GLCE: variants seen among roughly 807,000 people sequenced by gnomAD.
The protein encoded by GLCE is D-glucuronyl C5-epimerase.
GLCE carries 19 observed loss-of-function variants against 47.9 expected under a neutral mutation model. That is an observed-to-expected ratio of 0.40 (90% CI 0.28 to 0.58). The LOEUF is 0.58. Ranked by LOEUF, GLCE falls within the 20% of genes least tolerant of loss-of-function variation. The pLI, the probability that GLCE is intolerant of heterozygous loss-of-function variation, is 0.48. For missense variants in GLCE, 556 were observed against 743.3 expected, an observed-to-expected ratio of 0.75 and a Z score of 2.93; for synonymous variants, 245 against 263.4, an observed-to-expected ratio of 0.93 and a Z score of 0.68.
In GLCE at chr15:69,231,944, C is replaced by G. The variant is rs375770280; in HGVS notation, c.-14+21538C>G. Among the ~76,000 whole-genome samples the G allele has an allele frequency of 1.4e-3, 214 of 152,172 alleles. 1 individual carries two copies. Among genetic ancestry groups the G allele is most frequent in the African/African-American group, 5.1e-3 (210 of 41,510 alleles). On this transcript the variant is annotated intron_variant, in intron 2 of 4. Coordinates refer to ENST00000261858, the MANE Select transcript of GLCE (RefSeq NM_015554.3). ...AGCAGCTGGGATTACAGGTACACAC[C>G]ACCACGCCTGGCTAATTTTTATATT...
chr15:69,218,480 G>GT (rs1566959238), intron 2 of GLCE, among the ~76,000 whole-genome samples: 1 of 152,138 alleles, frequency 6.6e-6, no homozygotes, highest in African/African-American at 2.4e-5. Context: ...AGCCACTGGA[G>GT]TGAGACCCAG....
At chr15:69,192,708 C>A (rs548080225) in intron 1 of GLCE, among the ~76,000 whole-genome samples, 1 of 151,862 alleles carries the variant, frequency 6.6e-6, no homozygotes, top group East Asian at 1.9e-4. Flanking sequence ...CAGATAAGTT[C>A]GATCCTTTCA....
chr15:69,216,047 AC>A (rs1301623272), intron 2 of GLCE, among the ~76,000 whole-genome samples: 8 of 152,150 alleles, frequency 5.3e-5, no homozygotes, highest in Non-Finnish European at 2.9e-5. Flanking sequence ...GTTATCTGTA[AC>A]TATTCCAAGG....
chr15:69,268,966 G>A lies in GLCE; in HGVS notation c.1576G>A (p.Ala526Thr). The A allele has an allele frequency of 6.2e-7, 1 of 1,614,184 alleles. No individual in the cohort carries two copies. Among genetic ancestry groups the A allele is most frequent in the Non-Finnish European group, 8.5e-7 (1 of 1,180,016 alleles). Residue 526 changes from alanine (A) to threonine (T), a missense_variant, in exon 5 of 5, where the codon GCA (alanine) becomes ACA (threonine). By Grantham distance (58) the Ala-to-Thr change is moderately conservative. Transcript: ENST00000261858. ...TGGGCTGTATGACTTAAAAGAAACT[G>A]CAGGGGAAAAACTCGGAAAAGAAGC... Reference protein sequence around the residue: ...LIGLYDLKETAGEKLGKEARS... With the variant: ...LIGLYDLKETTGEKLGKEARS...
intron 1 of GLCE, among the ~76,000 whole-genome samples, chr15:69,209,512 C>T (rs943274669): frequency 3.3e-5 from 5 of 152,070 alleles, no homozygotes; most frequent in African/African-American, 1.2e-4. Flanking sequence ...TTGGTTCTGT[C>T]CCACATGTGT....
At chr15:69,235,296 C>T (rs1314595046) in intron 2 of GLCE, among the ~76,000 whole-genome samples, 2 of 151,382 alleles carry the variant, frequency 1.3e-5, no homozygotes, top group African/African-American at 2.4e-5. Flanking sequence ...TTAGTAGAGA[C>T]GAGGTTTCGC....
intron 2 of GLCE, among the ~76,000 whole-genome samples, chr15:69,240,495 A>C (rs2052654900): frequency 6.6e-6 from 1 of 152,084 alleles, no homozygotes; most frequent in African/African-American, 2.4e-5. Flanking sequence ...GAGTCTTTGG[A>C]GTGAGATGTA....
rs192967000 is a variant in GLCE at position 69,221,786 on chromosome 15, C to G, written c.-14+11380C>G. ...GCTGAGGCAGGAGAATCACTTGAAC[C>G]TGGGAGGTGGATGTTGCAGTGAGCC... is the stretch of plus-strand genomic sequence containing the variant. On this transcript the variant is annotated intron_variant, in intron 2 of 4. Coordinates refer to ENST00000261858, the MANE Select transcript of GLCE (RefSeq NM_015554.3). Among the ~76,000 whole-genome samples the G allele has an allele frequency of 5.9e-4, 89 of 150,568 alleles. 1 individual carries two copies. Among genetic ancestry groups the G allele is most frequent in the Non-Finnish European group, 7.8e-4 (53 of 67,812 alleles).
At chr15:69,243,038 CAG>C (rs1439039281) in intron 2 of GLCE, among the ~76,000 whole-genome samples, 1 of 111,794 alleles carries the variant, frequency 8.9e-6, no homozygotes, top group African/African-American at 3.7e-5. Context: ...GCCTGGGTGA[CAG>C]AGTGAGAGAT....
intron 2 of GLCE, among the ~76,000 whole-genome samples, chr15:69,220,550 A>G (rs1412517600): frequency 6.6e-6 from 1 of 152,028 alleles, no homozygotes; most frequent in African/African-American, 2.4e-5. Context: ...GCATCTTTTC[A>G]TGTGTTTCTT....
chr15:69,233,740 G>T (rs998432323), intron 2 of GLCE, among the ~76,000 whole-genome samples: 1 of 152,162 alleles, frequency 6.6e-6, no homozygotes, highest in Non-Finnish European at 1.5e-5. Flanking sequence ...TGGCTTAATA[G>T]AGAAGGAAAG....
intron 3 of GLCE, among the ~76,000 whole-genome samples, chr15:69,257,886 G>A (rs186397252): frequency 8.8e-4 from 134 of 151,636 alleles, no homozygotes; most frequent in African/African-American, 3.0e-3. Context: ...ATTAATAGGC[G>A]CCTAAATTCT....
chr15:69,260,252 G>GTTTT (rs34911776), intron 3 of GLCE, among the ~76,000 whole-genome samples: 27 of 79,236 alleles, frequency 3.4e-4, no homozygotes, highest in African/African-American at 7.7e-4. Context: ...GTCACAACTG[G>GTTTT]TTTTTTTTTT....
At chr15:69,225,608 T>C (rs2052435388) in intron 2 of GLCE, among the ~76,000 whole-genome samples, 1 of 152,188 alleles carries the variant, frequency 6.6e-6, no homozygotes, top group Middle Eastern at 3.2e-3. Context: ...TATGCACAAC[T>C]TCCTGTAAAT....
intron 1 of GLCE, among the ~76,000 whole-genome samples, chr15:69,169,166 G>C (rs2051548068): frequency 6.6e-6 from 1 of 152,254 alleles, no homozygotes; most frequent in South Asian, 2.1e-4. Context: ...TTTTGAGTTA[G>C]TAGTAGTAAT....
chr15:69,205,473 T>C (rs1387119822), intron 1 of GLCE, among the ~76,000 whole-genome samples: 1 of 152,142 alleles, frequency 6.6e-6, no homozygotes, highest in Non-Finnish European at 1.5e-5. Flanking sequence ...GTATAGGATT[T>C]TGTGCAAATG....
chr15:69,261,330 G>C lies in GLCE; in HGVS notation c.829+1G>C. 1 of 1,613,120 alleles carries C rather than the reference G, an allele frequency of 6.2e-7. No homozygotes were observed. Among genetic ancestry groups the C allele is most frequent in the East Asian group, 2.2e-5 (1 of 44,866 alleles). ...AATGTCAAACAGTTTATTGCACCAG[G>C]TAAGTTATGTATTATATGTGCCTGC... is the stretch of plus-strand genomic sequence containing the variant. On this transcript the variant is annotated splice_donor_variant, in intron 4 of 4. Transcript: ENST00000261858. LOFTEE classifies it high-confidence loss of function.
At chr15:69,212,364 G>T (rs959990587) in intron 2 of GLCE, among the ~76,000 whole-genome samples, 21 of 151,624 alleles carry the variant, frequency 1.4e-4, no homozygotes, top group African/African-American at 5.1e-4. Flanking sequence ...AAAACAAGGG[G>T]AAATAAACTC....
chr15:69,246,600 C>T (rs1383651085), intron 2 of GLCE, among the ~76,000 whole-genome samples: 1 of 151,808 alleles, frequency 6.6e-6, no homozygotes, highest in African/African-American at 2.4e-5. Flanking sequence ...CCTCTAATCC[C>T]AGCTACTCAG....
Sources: allele counts gnomAD v4.1 joint callset (sites outside exome capture counted in the v4.1 genomes callset), GRCh38; gene constraint gnomAD v4.1.1; transcripts MANE v1.5; gene names NCBI Gene and HGNC (gene_info 2026-07-23, HGNC 2026-07-21).